The following BPGM variants were observed in gnomAD, a reference collection of about 807,000 sequenced individuals.
The protein encoded by BPGM is bisphosphoglycerate mutase.
In BPGM, 15 loss-of-function variants were observed where a neutral mutation model predicts 21.6. That is an observed-to-expected ratio of 0.70 (90% CI 0.47 to 1.07). The LOEUF (loss-of-function observed/expected upper bound fraction) is 1.07. Among genes scored for constraint, BPGM ranks in the 50% least tolerant of loss-of-function variants. BPGM has a pLI of 0.00. For synonymous variants in BPGM, 113 were observed against 116.2 expected (o/e 0.97, Z 0.18); for missense variants, 273 against 319.0 (o/e 0.86, Z 1.10).
chr7:134,648,506 G>C (rs1296241865), intron 1 of BPGM, among the ~76,000 whole-genome samples: 1 of 152,102 alleles, frequency 6.6e-6, no homozygotes, highest in Non-Finnish European at 1.5e-5. Context: ...TATTCCAGTA[G>C]CACCTCATAC....
intron 2 of BPGM, among the ~76,000 whole-genome samples, chr7:134,671,221 A>G (rs1418275712): frequency 1.3e-5 from 2 of 152,200 alleles, no homozygotes; most frequent in African/African-American, 4.8e-5. Flanking sequence ...TAGCACCTAT[A>G]TGTGAATGAG....
chr7:134,647,626 T>C (rs1795481762), intron 1 of BPGM, among the ~76,000 whole-genome samples: 2 of 152,226 alleles, frequency 1.3e-5, no homozygotes, highest in African/African-American at 2.4e-5. Flanking sequence ...ATCCCCCTAC[T>C]GCCTCCCTTG....
chr7:134,653,193 C>T (rs1716885720), intron 1 of BPGM, among the ~76,000 whole-genome samples: 1 of 152,134 alleles, frequency 6.6e-6, no homozygotes, highest in African/African-American at 2.4e-5. Flanking sequence ...TGGTGGCTTT[C>T]AGCTGCAATG....
chr7:134,659,363 ACACC>A (rs1209860238), intron 1 of BPGM, among the ~76,000 whole-genome samples: 2 of 143,700 alleles, frequency 1.4e-5, no homozygotes, highest in Non-Finnish European at 3.0e-5. Context: ...ACACTTACAC[ACACC>A]CCTCCGTGTG....
chr7:134,646,885 G>T lies in BPGM; in HGVS notation c.-114G>T, dbSNP rs528791424. On this transcript the variant is annotated 5_prime_UTR_variant, in exon 1 of 3. Transcript: ENST00000344924. The stretch of plus-strand genomic sequence containing the variant: ...CCTAGGAGGCGCTGGCTCTTTGGCG[G>T]CTCGGAGGAGCGGCTGCTGCTGCTG... 7.5e-5 allele frequency: 14 copies of T among 187,562 alleles called. No individual in the cohort carries two copies. In the South Asian group the frequency reaches 9.6e-4, roughly 13 times the overall value. 11.6% of individuals were successfully genotyped at this position (187,562 alleles called of 1,614,324 possible).
At chr7:134,664,487 C>T (rs1402052139) in intron 2 of BPGM, among the ~76,000 whole-genome samples, 2 of 152,178 alleles carry the variant, frequency 1.3e-5, no homozygotes, top group African/African-American at 4.8e-5. Flanking sequence ...CACCAGTGAC[C>T]TCCATTTTAA....
intron 1 of BPGM, among the ~76,000 whole-genome samples, chr7:134,657,297 G>A (rs1050857849): frequency 6.6e-6 from 1 of 152,100 alleles, no homozygotes; most frequent in East Asian, 1.9e-4. Flanking sequence ...TTCTGCATAG[G>A]GTACAGTGTG....
At chr7:134,678,046 G>C (rs1032910543) in intron 2 of BPGM, among the ~76,000 whole-genome samples, 4 of 152,088 alleles carry the variant, frequency 2.6e-5, no homozygotes, top group African/African-American at 9.7e-5. Flanking sequence ...AAGAGTACCT[G>C]GCATGAAATA....
At position 134,661,605 on chromosome 7, in the gene BPGM, A is replaced by G. The variant is rs780090578; in HGVS notation, c.98A>G (p.Glu33Gly). 5.0e-6 allele frequency: 8 copies of G among 1,614,082 alleles called. 1 individual carries two copies. The African/African-American group carries it at 1.1e-4, about 22-fold the overall frequency. Residue 33 changes from glutamate to glycine, a missense_variant, in exon 2 of 3, where the codon GAA becomes GGA. By Grantham distance (98) the Glu-to-Gly change is moderately conservative. Coordinates refer to ENST00000344924, the MANE Select transcript of BPGM (RefSeq NM_001724.5). This position sits in a 1 kb window ranked among gnomAD's most constrained non-coding sequence, Gnocchi z 4.6. ...CSWVDQKLNS[E>G]GMEEARNCGK... The stretch of plus-strand genomic sequence containing the variant: ...TGGGTGGATCAGAAACTCAACAGCG[A>G]AGGAATGGAGGAAGCTCGGAACTGT...
At chr7:134,671,223 G>A (rs1360086462) in intron 2 of BPGM, among the ~76,000 whole-genome samples, 3 of 152,160 alleles carry the variant, frequency 2.0e-5, no homozygotes, top group South Asian at 2.1e-4. Flanking sequence ...GCACCTATAT[G>A]TGAATGAGAC....
intron 1 of BPGM, among the ~76,000 whole-genome samples, chr7:134,648,845 T>C (rs1756859480): frequency 6.6e-6 from 1 of 152,190 alleles, no homozygotes; most frequent in African/African-American, 2.4e-5. Flanking sequence ...TTAAATTATA[T>C]CTGAGATATA....
intron 2 of BPGM, among the ~76,000 whole-genome samples, chr7:134,676,337 T>C (rs1056701976): frequency 4.6e-5 from 7 of 152,238 alleles, no homozygotes; most frequent in African/African-American, 1.7e-4. Flanking sequence ...GATAGATATA[T>C]ACACTCATAG....
At chr7:134,662,356 G>C (rs1238871028) in intron 2 of BPGM, among the ~76,000 whole-genome samples, 1 of 152,216 alleles carries the variant, frequency 6.6e-6, no homozygotes, top group African/African-American at 2.4e-5. Flanking sequence ...GTGTATCACA[G>C]ATTGTGGGTC....
At chr7:134,657,123 CT>C (rs1407314491) in intron 1 of BPGM, among the ~76,000 whole-genome samples, 1 of 152,164 alleles carries the variant, frequency 6.6e-6, no homozygotes, top group Non-Finnish European at 1.5e-5. Context: ...TGAATGATAG[CT>C]TTTGGACCTA....
At chr7:134,674,104 G>A (rs988365915) in intron 2 of BPGM, among the ~76,000 whole-genome samples, 5 of 151,588 alleles carry the variant, frequency 3.3e-5, no homozygotes, top group Admixed American at 2.0e-4. Context: ...GTAGAGACAG[G>A]GTTTCACCAT....
intron 2 of BPGM, among the ~76,000 whole-genome samples, chr7:134,663,580 T>C (rs1269927620): frequency 2.0e-5 from 3 of 152,234 alleles, no homozygotes; most frequent in Admixed American, 6.5e-5. Flanking sequence ...AACAACAAAC[T>C]GAAATTCAGA....
In BPGM at chr7:134,661,765, T is replaced by G. The variant is rs770878186; in HGVS notation, c.258T>G (p.Arg86=). ...QEWVPVESSW[R]LNERHYGALI... ...GGGTGCCTGTGGAAAGCTCCTGGCG[T>G]CTAAATGAGCGTCACTATGGGGCCT... The change falls in exon 2 of 3, where the codon CGT becomes CGG. Residue 86 remains arginine, a synonymous_variant. Coordinates refer to ENST00000344924, the MANE Select transcript of BPGM (RefSeq NM_001724.5). The surrounding 1 kb of genome is among the most constrained non-coding windows in gnomAD (Gnocchi z 4.6). The G allele has an allele frequency of 6.2e-7, 1 of 1,614,088 alleles. No homozygotes were observed. Among genetic ancestry groups the G allele is most frequent in the Non-Finnish European group, 8.5e-7 (1 of 1,180,012 alleles).
At chr7:134,676,202 T>C (rs925021963) in intron 2 of BPGM, among the ~76,000 whole-genome samples, 1 of 152,218 alleles carries the variant, frequency 6.6e-6, no homozygotes, top group African/African-American at 2.4e-5. Flanking sequence ...GGATCTTAAA[T>C]ACAATGTTGA....
chr7:134,666,769 A>T (rs530145870), intron 2 of BPGM, among the ~76,000 whole-genome samples: 13 of 152,316 alleles, frequency 8.5e-5, no homozygotes, highest in African/African-American at 3.1e-4. Flanking sequence ...TGCATAAGTT[A>T]TTGTCTCTAA....
Sources: gnomAD v4.1 joint callset for allele counts (sites outside exome capture counted in the v4.1 genomes callset) on GRCh38, gnomAD v4.1.1 for gene constraint, Gnocchi (gnomAD v3.1) non-coding constraint, MANE v1.5 for transcripts, NCBI Gene and HGNC (gene_info 2026-07-23, HGNC 2026-07-21) for gene names.